Variants in ZNF14 observed in about 807,000 individuals in gnomAD.
The protein encoded by ZNF14 is zinc finger protein 14, also known as gonadotropin inducible transcription repressor-4.
A neutral mutation model predicts 11.3 loss-of-function variants in ZNF14; 9 were observed. The observed-to-expected ratio is 0.80, with a 90% CI of 0.48 to 1.39. ZNF14 has a LOEUF of 1.39. Among genes scored for constraint, ZNF14 ranks in the 40% most tolerant of loss-of-function variants. ZNF14 has a pLI of 0.00. For synonymous variants in ZNF14, 239 were observed against 245.7 expected, an observed-to-expected ratio of 0.97 and a Z score of 0.25; for missense variants, 711 against 763.9, an observed-to-expected ratio of 0.93 and a Z score of 0.82.
At position 19,726,424 on chromosome 19, in the gene ZNF14, GC is replaced by G. The variant is rs1315562211; in HGVS notation, c.3+6531del. Among the ~76,000 whole-genome samples, 2 of 134,050 alleles carry G rather than the reference GC, an allele frequency of 1.5e-5. 1 individual carries two copies. Among genetic ancestry groups the G allele is most frequent in the East Asian group, 4.2e-4 (2 of 4,722 alleles). 87.9% of individuals were successfully genotyped at this position (134,050 alleles called of 152,430 possible). ...CAAATATTGCAGAACGGCAAATGTT[GC>G]TGCCTGATCCTTCCTCTTGAAGCTT... On this transcript the variant is annotated intron_variant, in intron 1 of 3. Coordinates refer to ENST00000344099, the MANE Select transcript of ZNF14 (RefSeq NM_021030.3).
intron 1 of ZNF14, among the ~76,000 whole-genome samples, chr19:19,732,409 T>G (rs2062426562): frequency 2.0e-5 from 3 of 152,044 alleles, no homozygotes; most frequent in South Asian, 4.1e-4. Flanking sequence ...TTCCCCGCAG[T>G]TCGAAAAGAA....
chr19:19,721,021 G>A (rs573592025), intron 1 of ZNF14, among the ~76,000 whole-genome samples: 126 of 152,278 alleles, frequency 8.3e-4, no homozygotes, highest in African/African-American at 2.9e-3. Context: ...GCAGTGGCGC[G>A]ATCTTGGCTC....
chr19:19,718,415 T>C (rs1262230457), intron 1 of ZNF14, among the ~76,000 whole-genome samples: 1 of 152,122 alleles, frequency 6.6e-6, no homozygotes, highest in Non-Finnish European at 1.5e-5. Flanking sequence ...AGATGATGAG[T>C]GATCTTGAAG....
At chr19:19,729,305 CTT>C (rs1407218985) in intron 1 of ZNF14, among the ~76,000 whole-genome samples, 1 of 141,456 alleles carries the variant, frequency 7.1e-6, no homozygotes, top group African/African-American at 2.7e-5. Context: ...ATCCTCATCA[CTT>C]TACACACACA....
chr19:19,723,242 G>A (rs944348062), intron 1 of ZNF14, among the ~76,000 whole-genome samples: 58 of 152,152 alleles, frequency 3.8e-4, no homozygotes, highest in Non-Finnish European at 1.9e-4. Flanking sequence ...ATTATTTTGA[G>A]ATACATCCAA....
In ZNF14 at chr19:19,725,784, C is replaced by CT. The variant is rs1294831800; in HGVS notation, c.3+7171dup. Among the ~76,000 whole-genome samples, 2 of 132,554 alleles carry CT rather than the reference C, an allele frequency of 1.5e-5. 1 individual carries two copies. Among genetic ancestry groups the CT allele is most frequent in the Admixed American group, 1.5e-4 (2 of 13,430 alleles). 87.0% of individuals were successfully genotyped at this position (132,554 alleles called of 152,430 possible). On this transcript the variant is annotated intron_variant, in intron 1 of 3. Transcript: ENST00000344099. ...GAGGCTTTGTTAATTTCTTTTTACTCTTTTTTTCTCTAAAGTTCTCTTCTC... is the reference window on the plus strand; with the variant it reads ...GAGGCTTTGTTAATTTCTTTTTACTCTTTTTTTTCTCTAAAGTTCTCTTCTC...
intron 1 of ZNF14, among the ~76,000 whole-genome samples, chr19:19,731,846 T>A (rs56097033): frequency 0.013 from 1,981 of 152,200 alleles, 53 homozygotes; most frequent in African/African-American, 0.046. Flanking sequence ...GGCGGGCAGA[T>A]CACAAGGTCA....
Position 19,725,292 on chromosome 19 carries a change from A to G in ZNF14, c.3+7664T>C, listed in dbSNP as rs1258299478. On this transcript the variant is annotated intron_variant, in intron 1 of 3. Transcript: ENST00000344099. Reference sequence around the variant, plus strand: ...AGGCCTGGTGGTGACAAAATCTCTCAGCATTTGTTTGTCTGTAAAGGATTT... The same window carrying G: ...AGGCCTGGTGGTGACAAAATCTCTCGGCATTTGTTTGTCTGTAAAGGATTT... Among the ~76,000 whole-genome samples the G allele has an allele frequency of 1.5e-5, 2 of 133,316 alleles. 1 individual carries two copies. The highest frequency in any genetic ancestry group is 3.3e-5 in the Non-Finnish European group (2 of 60,138). The allele number at this position is 133,316 out of a possible 152,430, so 87.5% of individuals were successfully genotyped here. A position where few individuals can be genotyped will look rare whatever the true frequency, so the allele number is the denominator to read the frequency against.
rs563605408 is a variant in ZNF14, at chr19:19,711,215, C to T, written c.*137G>A. The T allele has an allele frequency of 3.6e-4, 345 of 956,254 alleles. 1 individual carries two copies. The highest frequency in any genetic ancestry group is 4.4e-4 in the Non-Finnish European group (299 of 677,890). The allele number at this position is 956,254 out of a possible 1,614,324, so 59.2% of individuals were successfully genotyped here. On this transcript the variant is annotated 3_prime_UTR_variant, in exon 4 of 4. Transcript: ENST00000344099. ...TGTTTCTCACCAGTGGGAATTCTTT[C>T]GTGCTCAAAAGAAACTGGAACAATT...
At chr19:19,721,868 C>A (rs1260550864) in intron 1 of ZNF14, among the ~76,000 whole-genome samples, 2 of 150,824 alleles carry the variant, frequency 1.3e-5, no homozygotes, top group African/African-American at 2.4e-5. Flanking sequence ...GAGGTAGAGG[C>A]AGGAGAATTG....
chr19:19,716,840 T>C (rs548176144), intron 1 of ZNF14, among the ~76,000 whole-genome samples: 109 of 152,288 alleles, frequency 7.2e-4, no homozygotes, highest in Middle Eastern at 6.8e-3. Context: ...CAGAACATAA[T>C]GTTCTTCTTA....
chr19:19,720,945 ACTC>A lies in ZNF14; in HGVS notation c.4-6461_4-6459del, dbSNP rs1386600980. ...AAAGCATTCATAAGAACAACCTCCT[ACTC>A]TTACTTTATTTATTTATTGATTTTT... On this transcript the variant is annotated intron_variant, in intron 1 of 3. Coordinates refer to ENST00000344099, the MANE Select transcript of ZNF14 (RefSeq NM_021030.3). The surrounding 1 kb of genome is among the most constrained non-coding windows in gnomAD (Gnocchi z 4.1). Among the ~76,000 whole-genome samples, 47 of 151,374 alleles carry A rather than the reference ACTC, an allele frequency of 3.1e-4. No homozygotes were observed. The highest frequency in any genetic ancestry group is 1.1e-3 in the African/African-American group (45 of 41,298).
In ZNF14 at chr19:19,727,444, T is replaced by C. The variant is rs1010967341; in HGVS notation, c.3+5512A>G. On this transcript the variant is annotated intron_variant, in intron 1 of 3. Transcript: ENST00000344099. Reference sequence around the variant, plus strand: ...AGGCAATGCACGCAGCCTAAAATATTTTAGAATATAAAAGGGATATAACAG... The same window carrying C: ...AGGCAATGCACGCAGCCTAAAATATCTTAGAATATAAAAGGGATATAACAG... Among the ~76,000 whole-genome samples the C allele has an allele frequency of 2.3e-5, 3 of 131,548 alleles. 1 individual carries two copies. The highest frequency in any genetic ancestry group is 2.3e-4 in the Admixed American group (3 of 13,216). 86.3% of individuals were successfully genotyped at this position (131,548 alleles called of 152,430 possible).
intron 1 of ZNF14, 80 bp from the exon 2 acceptor site, chr19:19,714,567 C>T (rs1254009225): frequency 2.7e-6 from 4 of 1,502,630 alleles, no homozygotes; most frequent in African/African-American, 2.8e-5. Flanking sequence ...GTAAGAAGTT[C>T]CCATACAATT....
chr19:19,711,905 GA>G lies in ZNF14; in HGVS notation c.1375del (p.Ser459GlnfsTer247). 1.2e-6 allele frequency: 2 copies of G among 1,613,794 alleles called. No individual in the cohort carries two copies. The highest frequency in any genetic ancestry group is 1.7e-6 in the Non-Finnish European group (2 of 1,179,872). On this transcript the variant is annotated frameshift_variant, in exon 4 of 4. Coordinates refer to ENST00000344099, the MANE Select transcript of ZNF14 (RefSeq NM_021030.3). LOFTEE classifies it low-confidence loss of function (END_TRUNC). ...CKQCGKAFRC[S>X]SYFRIHERSH... ...CCTTTCATGAATTCGAAAATAACTT[GA>G]ACACCTGAAGGCTTTCCCACACTGT...
At position 19,713,081 on chromosome 19, in the gene ZNF14, A is replaced by G; in HGVS notation, c.200T>C (p.Met67Thr). 1 of 1,569,292 alleles carries G rather than the reference A, an allele frequency of 6.4e-7. No individual in the cohort carries two copies. The highest frequency in any genetic ancestry group is 8.6e-7 in the Non-Finnish European group (1 of 1,160,530). Residue 67 changes from methionine to threonine, a missense_variant, in exon 4 of 4, where the codon ATG (methionine) becomes ACG (threonine). Met to Thr is a moderately conservative substitution (Grantham distance 81). Coordinates refer to ENST00000344099, the MANE Select transcript of ZNF14 (RefSeq NM_021030.3). Reference protein sequence around the residue: ...RNQGKNRRCHMVERLCESRRG... With the variant: ...RNQGKNRRCHTVERLCESRRG... ...TCTACTTTCACAGAGTCTCTCAACC[A>G]TATGACATCTGTAAAAAATGAATAG...
In ZNF14 at chr19:19,714,079, G is replaced by A; in HGVS notation, c.191+12C>T. 2 of 1,611,472 alleles carry A rather than the reference G, an allele frequency of 1.2e-6. No individual in the cohort carries two copies. Among genetic ancestry groups the A allele is most frequent in the Non-Finnish European group, 1.7e-6 (2 of 1,178,652 alleles). On this transcript the variant is annotated intron_variant, in intron 3 of 3. Transcript: ENST00000344099. ...CCCCACGGGCCACTATTTTTCTGTG[G>A]ATGCAACTCACCTTCGATTTTTCCC...
intron 1 of ZNF14, among the ~76,000 whole-genome samples, chr19:19,717,683 G>T (rs1244794199): frequency 6.6e-6 from 1 of 152,092 alleles, no homozygotes; most frequent in Non-Finnish European, 1.5e-5. Flanking sequence ...TCTGTGCTAG[G>T]AATCACACAC....
In ZNF14 at chr19:19,728,527, A is replaced by AAC. The variant is rs2062412807; in HGVS notation, c.3+4428_3+4429insGT. On this transcript the variant is annotated intron_variant, in intron 1 of 3. Transcript: ENST00000344099. ...CGAAACTCCGTCTCAAAAAAAAAAAAAAAAAAAAACATATACTGGAAGAAC... is the reference window on the plus strand; with the variant it reads ...CGAAACTCCGTCTCAAAAAAAAAAAAACAAAAAAAAACATATACTGGAAGAAC... Among the ~76,000 whole-genome samples, 2 of 129,640 alleles carry AAC rather than the reference A, an allele frequency of 1.5e-5. 1 individual carries two copies. The highest frequency in any genetic ancestry group is 3.4e-5 in the Non-Finnish European group (2 of 58,920). 85.0% of individuals were successfully genotyped at this position (129,640 alleles called of 152,430 possible).
Sources: gnomAD v4.1 joint callset for allele counts (sites outside exome capture counted in the v4.1 genomes callset) on GRCh38, gnomAD v4.1.1 for gene constraint, Gnocchi (gnomAD v3.1) non-coding constraint, MANE v1.5 for transcripts, NCBI Gene and HGNC (gene_info 2026-07-23, HGNC 2026-07-21) for gene names.